DCAKD: variants seen among roughly 807,000 people sequenced by gnomAD.
DCAKD encodes dephospho-CoA kinase domain-containing protein.
In DCAKD, 15 loss-of-function variants were observed where a neutral mutation model predicts 18.7. The ratio of observed to expected loss-of-function variants is 0.80; its 90% CI spans 0.54 to 1.24. The LOEUF is 1.24. Ranked by LOEUF, DCAKD falls within the 50% of genes most tolerant of loss-of-function variation. The pLI is 0.00. For missense variants in DCAKD, 301 were observed against 322.0 expected (o/e 0.93, Z 0.50); for synonymous variants, 130 against 133.0 (o/e 0.98, Z 0.16).
intron 1 of DCAKD, among the ~76,000 whole-genome samples, chr17:45,038,217 C>T (rs1489227953): frequency 6.6e-6 from 1 of 152,056 alleles, no homozygotes; most frequent in Non-Finnish European, 1.5e-5. Flanking sequence ...GCTAGGATTA[C>T]AGGTATGCAC....
At chr17:45,051,201 G>C (rs4315379) in intron 1 of DCAKD, among the ~76,000 whole-genome samples, 160 bp downstream of exon 1, 23,410 of 152,202 alleles carry the variant, frequency 0.15, 2,082 homozygotes, top group Non-Finnish European at 0.2. Context: ...AGTTCTAAAG[G>C]GCAGTGGCTT....
At chr17:45,033,915 T>C (rs772128970) in intron 3 of DCAKD, 1 of 1,460,074 alleles carries the variant, frequency 6.8e-7, no homozygotes, top group Non-Finnish European at 9.1e-7. Flanking sequence ...CTCCCATCCC[T>C]ACTAGAAAAA....
intron 1 of DCAKD, among the ~76,000 whole-genome samples, chr17:45,057,915 G>A (rs934300672): frequency 6.7e-6 from 1 of 149,834 alleles, no homozygotes; most frequent in Admixed American, 6.7e-5. Flanking sequence ...GGAGGCTGAG[G>A]CAGGAGAATC....
chr17:45,027,456 A>G (rs1457090248), intron 4 of DCAKD, among the ~76,000 whole-genome samples: 1 of 152,226 alleles, frequency 6.6e-6, no homozygotes, highest in East Asian at 1.9e-4. Context: ...TTATTTTTGT[A>G]AAGCCTAGAT....
intron 1 of DCAKD, among the ~76,000 whole-genome samples, chr17:45,039,284 CT>C (rs1352024612): frequency 2.0e-5 from 3 of 152,226 alleles, no homozygotes; most frequent in Non-Finnish European, 4.4e-5. Flanking sequence ...CTTTGATCAC[CT>C]GTGTTCATGA....
intron 1 of DCAKD, among the ~76,000 whole-genome samples, chr17:45,058,287 C>T (rs1036892601): frequency 7.9e-5 from 12 of 152,074 alleles, no homozygotes; most frequent in Admixed American, 4.6e-4. Context: ...TGCACTCCAG[C>T]GTAGGCGACA....
upstream of DCAKD, among the ~76,000 whole-genome samples, chr17:45,052,936 G>A (rs952358364): frequency 2.6e-5 from 4 of 151,994 alleles, no homozygotes; most frequent in Admixed American, 1.3e-4. Flanking sequence ...GGCCAAGGCG[G>A]GTGGATCACC....
intron 1 of DCAKD, among the ~76,000 whole-genome samples, chr17:45,044,058 A>T (rs1346456592): frequency 6.6e-6 from 1 of 152,126 alleles, no homozygotes; most frequent in Non-Finnish European, 1.5e-5. Flanking sequence ...CAAAGCAGCT[A>T]GTGTGATCCT....
At chr17:45,052,604 A>G (rs1238550612), upstream of DCAKD, among the ~76,000 whole-genome samples, 1 of 151,906 alleles carries the variant, frequency 6.6e-6, no homozygotes. Flanking sequence ...ACGGTGGCTC[A>G]CACCTGTAAT....
chr17:45,031,763 G>A (rs2053174288), intron 3 of DCAKD: 3 of 985,400 alleles, frequency 3.0e-6, no homozygotes, highest in Non-Finnish European at 3.6e-6. Flanking sequence ...CATCCCTCCT[G>A]TCTGATAAGC....
chr17:45,028,249 C>T (rs2053098437), intron 4 of DCAKD, among the ~76,000 whole-genome samples: 1 of 151,044 alleles, frequency 6.6e-6, no homozygotes, highest in South Asian at 2.1e-4. Context: ...GCTGGGACTA[C>T]AGGCGCCCAC....
chr17:45,042,697 C>T (rs568271696), intron 1 of DCAKD, among the ~76,000 whole-genome samples: 23 of 152,306 alleles, frequency 1.5e-4, no homozygotes, highest in African/African-American at 5.5e-4. Flanking sequence ...TTTTTGTATA[C>T]GGCTTCCCCA....
At chr17:45,027,267 G>C (rs776511571) in intron 4 of DCAKD, among the ~76,000 whole-genome samples, 1 of 152,212 alleles carries the variant, frequency 6.6e-6, no homozygotes, top group Non-Finnish European at 1.5e-5. Context: ...TTGAGCCCAG[G>C]AGTTTGAGGC....
At chr17:45,030,009 A>C in intron 4 of DCAKD, 83 bp downstream of exon 4, 5 of 1,325,140 alleles carry the variant, frequency 3.8e-6, no homozygotes, top group South Asian at 1.2e-5. Context: ...CCGTGGGGAA[A>C]GGGCAAAGTG....
chr17:45,025,007 CTCTTT>C (rs2053025717), intron 4 of DCAKD, among the ~76,000 whole-genome samples: 1 of 118,922 alleles, frequency 8.4e-6, no homozygotes, highest in African/African-American at 3.1e-5. Flanking sequence ...TTGGCCACAG[CTCTTT>C]TTTTTTTTTT....
chr17:45,047,783 G>A (rs1044779468), intron 1 of DCAKD, among the ~76,000 whole-genome samples: 2 of 151,684 alleles, frequency 1.3e-5, no homozygotes, highest in Admixed American at 1.3e-4. Flanking sequence ...GTTTACAGGC[G>A]TGAGCCACCG....
At chr17:45,025,100 A>G (rs1354289332) in intron 4 of DCAKD, among the ~76,000 whole-genome samples, 1 of 144,712 alleles carries the variant, frequency 6.9e-6, no homozygotes, top group East Asian at 2.0e-4. Flanking sequence ...AGATTTCATC[A>G]CCTGGAACCA....
At chr17:45,056,306 T>C (rs181196848), upstream of DCAKD, among the ~76,000 whole-genome samples, 1 of 152,276 alleles carries the variant, frequency 6.6e-6, no homozygotes, top group East Asian at 1.9e-4. Flanking sequence ...TAAGTGGGTA[T>C]TAATTCTGTC....
intron 1 of DCAKD, among the ~76,000 whole-genome samples, chr17:45,048,874 T>C (rs1246017765): frequency 6.6e-6 from 1 of 151,818 alleles, no homozygotes; most frequent in Non-Finnish European, 1.5e-5. Context: ...GCCTATGGTG[T>C]AGCCATTCTT....
Sources: allele counts gnomAD v4.1 joint callset (sites outside exome capture counted in the v4.1 genomes callset), GRCh38; gene constraint gnomAD v4.1.1; transcripts MANE v1.5; gene names NCBI Gene and HGNC (gene_info 2026-07-23, HGNC 2026-07-21).